The following NUMA1 variants were observed in gnomAD, a reference collection of about 807,000 sequenced individuals.
NUMA1 encodes the protein SP-H antigen.
Under a neutral mutation model 237.1 loss-of-function variants are expected in NUMA1, and 62 were observed. The observed-to-expected ratio is 0.26, with a 90% CI of 0.21 to 0.32. NUMA1 has a LOEUF of 0.32. NUMA1 is among the 10% of genes least tolerant of loss of function. The pLI is 1.00. For synonymous variants in NUMA1, 1,028 were observed against 1,066.1 expected (o/e 0.96, Z 0.70); for missense variants, 2,533 against 2,666.5 (o/e 0.95, Z 1.10).
At position 72,014,565 on chromosome 11, in the gene NUMA1, C is replaced by T. The variant is rs1565211253; in HGVS notation, c.2938G>A (p.Glu980Lys). Residue 980 changes from glutamate to lysine, a missense_variant, in exon 15 of 27, where the codon GAG becomes AAG. Glu to Lys is a moderately conservative substitution (Grantham distance 56, BLOSUM62 1). Coordinates refer to ENST00000393695, the MANE Select transcript of NUMA1 (RefSeq NM_006185.4). This position sits in a 1 kb window ranked among gnomAD's most constrained non-coding sequence, Gnocchi z 4.6. ...MEREAEQMGN[E>K]LERLRAALME... ...AGCGCGGCCCGCAGCCGTTCCAGCT[C>T]ATTGCCCATCTGCTCTGCCTCCCGC... 1 of 1,603,794 alleles carries T rather than the reference C, an allele frequency of 6.2e-7. No individual in the cohort carries two copies. The highest frequency in any genetic ancestry group is 1.1e-5 in the South Asian group (1 of 91,088).
chr11:72,062,090 C>T (rs1224173426), intron 2 of NUMA1, among the ~76,000 whole-genome samples: 1 of 152,132 alleles, frequency 6.6e-6, no homozygotes, highest in Non-Finnish European at 1.5e-5. Context: ...CTAGATTGTA[C>T]CCTTCTGAAG....
chr11:72,018,053 T>C (rs1405441819), intron 12 of NUMA1, 130 bp downstream of exon 12: 1 of 913,862 alleles, frequency 1.1e-6, no homozygotes, highest in African/African-American at 1.7e-5. Flanking sequence ...AGGGGCAAAA[T>C]ATGCAGGTCT....
chr11:72,028,155 A>G (rs2135490083), intron 4 of NUMA1, among the ~76,000 whole-genome samples: 1 of 152,354 alleles, frequency 6.6e-6, no homozygotes, highest in African/African-American at 2.4e-5. Context: ...CTGATAGAGA[A>G]CACCAACTCA....
intron 3 of NUMA1, 106 bp downstream of exon 3, chr11:72,035,796 G>T: frequency 1.0e-6 from 1 of 997,818 alleles, no homozygotes; most frequent in Non-Finnish European, 1.6e-6. Flanking sequence ...ATTTAGTCTA[G>T]AAATGAGAAG....
Position 72,013,866 on chromosome 11 carries a change from C to T in NUMA1, c.3637G>A (p.Val1213Met), listed in dbSNP as rs1222601597. ...SKAEDEWKAQ[V>M]ARGRQEAERK... Reference sequence around the variant, plus strand: ...TCAGCCTCTTGCCGGCCCCGGGCCACCTGGGCCTTCCACTCATCTTCAGCC... The same window carrying T: ...TCAGCCTCTTGCCGGCCCCGGGCCATCTGGGCCTTCCACTCATCTTCAGCC... The change falls in exon 15 of 27, where the codon GTG (valine) becomes ATG (methionine). Residue 1213 changes from valine (V) to methionine (M), a missense_variant. This residue lies in a region of NUMA1 where 1,414 missense variants were observed against 1,508.1 expected (regional missense o/e 0.94). Transcript: ENST00000393695. This position sits in a 1 kb window ranked among gnomAD's most constrained non-coding sequence, Gnocchi z 6.8. 1 of 1,613,756 alleles carries T rather than the reference C, an allele frequency of 6.2e-7. No individual in the cohort carries two copies. The highest frequency in any genetic ancestry group is 1.3e-5 in the African/African-American group (1 of 75,062).
intron 13 of NUMA1, 187 bp downstream of exon 13, chr11:72,017,497 GAAA>G: frequency 2.1e-6 from 1 of 481,882 alleles, no homozygotes; most frequent in South Asian, 2.3e-5. Flanking sequence ...ATTGACTGGG[GAAA>G]AAAAAAATAA....
At chr11:72,050,701 T>A (rs1049416084) in intron 2 of NUMA1, 7 of 152,164 alleles carry the variant, frequency 4.6e-5, no homozygotes, top group Admixed American at 3.9e-4. Flanking sequence ...GAGCCAGAAC[T>A]CAAAGAGATG....
chr11:72,005,652 A>G, intron 22 of NUMA1: 1 of 507,700 alleles, frequency 2.0e-6, no homozygotes, highest in South Asian at 2.7e-5. Context: ...ACCCAGAGGA[A>G]CAAATTAAGG....
At position 72,044,408 on chromosome 11, in the gene NUMA1, G is replaced by A. The variant is rs150589514; in HGVS notation, c.-32-8433C>T. Among the ~76,000 whole-genome samples, 6 of 152,190 alleles carry A rather than the reference G, an allele frequency of 3.9e-5. No homozygotes were observed. In the East Asian group the frequency reaches 1.2e-3, roughly 30 times the overall value. ...TTGTCACCAAGGTGTCCAAGCAGAAGTTGGCTCACCAATTGTTTGGGAAGC... is the reference window on the plus strand; with the variant it reads ...TTGTCACCAAGGTGTCCAAGCAGAAATTGGCTCACCAATTGTTTGGGAAGC... On this transcript the variant is annotated intron_variant, in intron 2 of 26. Coordinates refer to ENST00000393695, the MANE Select transcript of NUMA1 (RefSeq NM_006185.4).
intron 9 of NUMA1, 163 bp from the exon 10 acceptor site, chr11:72,019,143 A>T: frequency 1.4e-6 from 1 of 721,480 alleles, no homozygotes; most frequent in Non-Finnish European, 2.2e-6. Context: ...TCATGACATG[A>T]TCTTGGGAAA....
chr11:72,003,647 C>T (rs984854396), intron 26 of NUMA1, 109 bp from the exon 27 acceptor site: 2 of 1,419,850 alleles, frequency 1.4e-6, no homozygotes, highest in Non-Finnish European at 9.9e-7. Flanking sequence ...GATCCCCTCC[C>T]TTGTGAGCCC....
chr11:72,033,767 T>A (rs990975247), intron 3 of NUMA1, among the ~76,000 whole-genome samples: 22 of 152,120 alleles, frequency 1.4e-4, no homozygotes, highest in Non-Finnish European at 4.4e-5. Flanking sequence ...ATGCCTACAA[T>A]CCTAACACTT....
intron 8 of NUMA1, among the ~76,000 whole-genome samples, chr11:72,019,941 C>T (rs777360549): frequency 7.9e-5 from 12 of 152,188 alleles, no homozygotes; most frequent in South Asian, 4.1e-4. Context: ...ACTGCAGAGA[C>T]GGCTTGGGGA....
At chr11:72,080,258 T>G (rs975526580) in intron 1 of NUMA1, 200 bp downstream of exon 1, 1 of 17,788 alleles carries the variant, frequency 5.6e-5, no homozygotes, top group Non-Finnish European at 1.0e-4. Flanking sequence ...GACCCTCCCC[T>G]TTAAGGCACC....
intron 17 of NUMA1, among the ~76,000 whole-genome samples, chr11:72,009,921 T>C (rs1470304968): frequency 1.3e-5 from 2 of 152,152 alleles, no homozygotes; most frequent in Admixed American, 6.5e-5. Context: ...CAAAAGCCCA[T>C]GGGGGCTTAT....
intron 5 of NUMA1, among the ~76,000 whole-genome samples, chr11:72,023,764 CCACTTGAAGAGCAGT>C (rs1054945912): frequency 6.6e-6 from 1 of 152,076 alleles, no homozygotes; most frequent in Non-Finnish European, 1.5e-5. Flanking sequence ...ATCCACCCAT[CCACTTGAAGAGCAGT>C]TATCTCCATA....
intron 2 of NUMA1, among the ~76,000 whole-genome samples, chr11:72,061,091 G>C (rs1942914123): frequency 6.6e-6 from 1 of 152,072 alleles, no homozygotes; most frequent in Non-Finnish European, 1.5e-5. Context: ...TTAAAAATTA[G>C]CCAGGCACAG....
intron 6 of NUMA1, 65 bp from the exon 7 acceptor site, chr11:72,022,484 G>A (rs942021468): frequency 2.6e-5 from 28 of 1,097,440 alleles, no homozygotes; most frequent in Non-Finnish European, 3.1e-5. Context: ...CCCCATTCTG[G>A]GCTGTTCTGG....
intron 3 of NUMA1, among the ~76,000 whole-genome samples, chr11:72,033,388 T>C (rs1396005331): frequency 8.7e-6 from 1 of 115,216 alleles, no homozygotes; most frequent in East Asian, 2.5e-4. Context: ...TTTTTTTTTT[T>C]TGACACAGGC....
Sources: allele counts gnomAD v4.1 joint callset (sites outside exome capture counted in the v4.1 genomes callset), GRCh38; gene constraint gnomAD v4.1.1; regional missense constraint gnomAD v4.1.1; non-coding constraint Gnocchi (gnomAD v3.1); transcripts MANE v1.5; gene names NCBI Gene and HGNC (gene_info 2026-07-23, HGNC 2026-07-21).